GAS2L3: variants seen among roughly 807,000 people sequenced by gnomAD.
GAS2L3 encodes the protein growth arrest specific 2 like 3.
In GAS2L3, 28 loss-of-function variants were observed where a neutral mutation model predicts 37.0. The ratio of observed to expected loss-of-function variants is 0.76; its 90% CI spans 0.56 to 1.04. GAS2L3 has a LOEUF of 1.04. Among genes scored for constraint, GAS2L3 ranks in the 50% least tolerant of loss-of-function variants. GAS2L3 has a pLI of 0.00. For synonymous variants in GAS2L3, 290 were observed against 296.6 expected, an observed-to-expected ratio of 0.98 and a Z score of 0.23; for missense variants, 793 against 817.6, an observed-to-expected ratio of 0.97 and a Z score of 0.37.
chr12:100,622,623 G>C (rs552948488), intron 9 of GAS2L3, among the ~76,000 whole-genome samples: 2 of 151,644 alleles, frequency 1.3e-5, no homozygotes, highest in South Asian at 4.2e-4. Flanking sequence ...TTTAGGCAGT[G>C]AGTATAATGG....
chr12:100,598,943 A>C (rs2136457904), intron 3 of GAS2L3, among the ~76,000 whole-genome samples: 1 of 152,204 alleles, frequency 6.6e-6, no homozygotes, highest in South Asian at 2.1e-4. Context: ...GCTGCCACTC[A>C]CACCCTGGGT....
chr12:100,610,455 A>G (rs1956112965), intron 5 of GAS2L3, among the ~76,000 whole-genome samples: 1 of 151,928 alleles, frequency 6.6e-6, no homozygotes, highest in Non-Finnish European at 1.5e-5. Context: ...GTGCATAGAG[A>G]TGTCTTGCCA....
At chr12:100,585,878 A>G (rs971676953) in intron 1 of GAS2L3, among the ~76,000 whole-genome samples, 2 of 152,010 alleles carry the variant, frequency 1.3e-5, no homozygotes, top group Non-Finnish European at 2.9e-5. Flanking sequence ...CTCATTTCTT[A>G]TACAGTGTTT....
intron 1 of GAS2L3, among the ~76,000 whole-genome samples, chr12:100,589,543 C>T (rs950532663): frequency 3.9e-5 from 6 of 152,032 alleles, no homozygotes; most frequent in African/African-American, 9.7e-5. Flanking sequence ...GAAATACCAC[C>T]ATCATTCTTC....
intron 1 of GAS2L3, among the ~76,000 whole-genome samples, chr12:100,582,730 A>G (rs951674670): frequency 6.6e-6 from 1 of 152,226 alleles, no homozygotes; most frequent in Non-Finnish European, 1.5e-5. Context: ...CCACAAATTT[A>G]TTGGTTTAAG....
At chr12:100,578,932 A>G in intron 1 of GAS2L3, 1 of 907,656 alleles carries the variant, frequency 1.1e-6, no homozygotes, top group Non-Finnish European at 1.8e-6. Flanking sequence ...TGATTGGAAG[A>G]GGGGATAAGG....
At chr12:100,598,048 G>A (rs1955937190) in intron 3 of GAS2L3, among the ~76,000 whole-genome samples, 1 of 152,130 alleles carries the variant, frequency 6.6e-6, no homozygotes, top group South Asian at 2.1e-4. Flanking sequence ...TGAGCCATTT[G>A]AGAGGAAGTG....
intron 1 of GAS2L3, among the ~76,000 whole-genome samples, chr12:100,582,764 G>A (rs894007313): frequency 1.3e-5 from 2 of 152,166 alleles, no homozygotes; most frequent in Admixed American, 6.5e-5. Flanking sequence ...ATTATCTTAT[G>A]GTTTAGAAAT....
chr12:100,602,610 T>C (rs1202394859), intron 5 of GAS2L3, among the ~76,000 whole-genome samples: 1 of 151,964 alleles, frequency 6.6e-6, no homozygotes, highest in Non-Finnish European at 1.5e-5. Context: ...AGGATATCCA[T>C]TCCCTCAAGC....
intron 5 of GAS2L3, among the ~76,000 whole-genome samples, chr12:100,609,445 G>T (rs187394970): frequency 2.0e-5 from 3 of 152,092 alleles, no homozygotes; most frequent in Non-Finnish European, 4.4e-5. Context: ...CAGTTGCTGC[G>T]CTCCCTGTCT....
rs779283276 is a variant in GAS2L3 at position 100,611,968 on chromosome 12, C to T, written c.304-32C>T. Reference sequence around the variant, plus strand: ...ATGTTTAATGAAAGTATCCTTGATACATTTTTGAAATTATTCTTTTGTCTT... The same window carrying T: ...ATGTTTAATGAAAGTATCCTTGATATATTTTTGAAATTATTCTTTTGTCTT... On this transcript the variant is annotated intron_variant, in intron 5 of 9. Transcript: ENST00000547754. The T allele has an allele frequency of 3.1e-5, 45 of 1,465,382 alleles. 1 individual carries two copies. In the South Asian group the frequency reaches 5.0e-4, roughly 16 times the overall value. The allele number at this position is 1,465,382 out of a possible 1,614,324, so 90.8% of individuals were successfully genotyped here. A position where few individuals can be genotyped will look rare whatever the true frequency, so the allele number is the denominator to read the frequency against.
Position 100,626,040 on chromosome 12 carries a change from C to G in GAS2L3, c.*1150C>G, listed in dbSNP as rs186458738. 6.6e-6 allele frequency: 1 copy of G among 152,134 alleles called. No individual in the cohort carries two copies. The highest frequency in any genetic ancestry group is 6.5e-5 in the Admixed American group (1 of 15,272). 9.4% of individuals were successfully genotyped at this position (152,134 alleles called of 1,614,324 possible). The stretch of plus-strand genomic sequence containing the variant: ...CCTGATCATGTAATGACTGCATAAA[C>G]TCCATCAACCTAAGGTGATACTTGT... On this transcript the variant is annotated 3_prime_UTR_variant, in exon 10 of 10. Coordinates refer to ENST00000547754, the MANE Select transcript of GAS2L3 (RefSeq NM_174942.3).
chr12:100,582,814 G>A (rs980054249), intron 1 of GAS2L3, among the ~76,000 whole-genome samples: 1 of 152,166 alleles, frequency 6.6e-6, no homozygotes, highest in East Asian at 1.9e-4. Flanking sequence ...GTGCTGACAG[G>A]GTTGTGCTGT....
chr12:100,622,802 G>C, intron 9 of GAS2L3, among the ~76,000 whole-genome samples: 1 of 104,022 alleles, frequency 9.6e-6, no homozygotes, highest in East Asian at 3.5e-4. Context: ...GAAGTGTAGA[G>C]TTTATAATAA....
chr12:100,585,100 C>T (rs35695), intron 1 of GAS2L3, among the ~76,000 whole-genome samples: 73,132 of 143,816 alleles, frequency 0.51, 18,953 homozygotes, highest in South Asian at 0.7. Context: ...GGGGTTTCAC[C>T]GTGTTAGCCA....
At chr12:100,614,814 G>T (rs1365050113) in intron 6 of GAS2L3, among the ~76,000 whole-genome samples, 3 of 152,164 alleles carry the variant, frequency 2.0e-5, no homozygotes, top group Non-Finnish European at 2.9e-5. Context: ...AGTTAGCACA[G>T]TGGTTCATTT....
chr12:100,615,085 C>T (rs569726345), intron 6 of GAS2L3, among the ~76,000 whole-genome samples: 27 of 152,192 alleles, frequency 1.8e-4, no homozygotes, highest in African/African-American at 6.5e-4. Flanking sequence ...TTTTGAGGAG[C>T]TGTTTTCAAA....
intron 1 of GAS2L3, 172 bp downstream of exon 1, chr12:100,573,957 G>A (rs753921567): frequency 1.3e-5 from 2 of 152,300 alleles, no homozygotes; most frequent in African/African-American, 2.4e-5. Context: ...CGTTTGCCTG[G>A]CTGCGGCAGT....
chr12:100,587,118 A>G (rs1052752796), intron 1 of GAS2L3, among the ~76,000 whole-genome samples: 1 of 152,120 alleles, frequency 6.6e-6, no homozygotes, highest in African/African-American at 2.4e-5. Flanking sequence ...CCAGGACAAG[A>G]TAGATTCACA....
Sources: gnomAD v4.1 joint callset for allele counts (sites outside exome capture counted in the v4.1 genomes callset) on GRCh38, gnomAD v4.1.1 for gene constraint, MANE v1.5 for transcripts, NCBI Gene and HGNC (gene_info 2026-07-23, HGNC 2026-07-21) for gene names.